The following MCF2L2 variants were observed in gnomAD, a reference collection of about 807,000 sequenced individuals.
MCF2L2 encodes the protein probable guanine nucleotide exchange factor MCF2L2.
In MCF2L2, 102 loss-of-function variants were observed where a neutral mutation model predicts 150.2. The observed-to-expected ratio is 0.68, with a 90% CI of 0.58 to 0.80. The LOEUF (loss-of-function observed/expected upper bound fraction) is 0.80, where lower values mean the gene tolerates loss of function less well. Ranked by LOEUF, MCF2L2 falls within the 30% of genes least tolerant of loss-of-function variation. The pLI is 0.00. For missense variants in MCF2L2, 1,256 were observed against 1,372.8 expected (o/e 0.91, Z 1.34); for synonymous variants, 465 against 491.3 (o/e 0.95, Z 0.71).
chr3:183,179,411 A>G lies in MCF2L2; in HGVS notation c.3314T>C (p.Leu1105Pro), dbSNP rs770126804. ...GATAGFQARA[L>P]RPRTSAQES ...CTCCTGGGCGGAGGTCCTCGGGCGC[A>G]GCGCCCTCGCCTGGAAACCAGCCGT... The change falls in exon 30 of 30, where the codon CTG becomes CCG. Residue 1105 changes from leucine to proline, a missense_variant. By Grantham distance (98) the Leu-to-Pro change is moderately conservative. Coordinates refer to ENST00000328913, the MANE Select transcript of MCF2L2 (RefSeq NM_015078.4). The surrounding 1 kb of genome is among the most constrained non-coding windows in gnomAD (Gnocchi z 4.2). 1.3e-5 allele frequency: 21 copies of G among 1,562,470 alleles called. No homozygotes were observed. The South Asian group carries it at 2.4e-4, about 18-fold the overall frequency.
At chr3:183,184,200 T>C (rs1002173268) in intron 27 of MCF2L2, among the ~76,000 whole-genome samples, 2 of 152,158 alleles carry the variant, frequency 1.3e-5, no homozygotes, top group Non-Finnish European at 2.9e-5. Flanking sequence ...GTATTTTTAG[T>C]AGAGACAGGG....
At chr3:183,325,277 A>C (rs1360715022) in intron 5 of MCF2L2, among the ~76,000 whole-genome samples, 1 of 151,822 alleles carries the variant, frequency 6.6e-6, no homozygotes, top group East Asian at 1.9e-4. Context: ...TAATAATAAA[A>C]GAAAAAAAAG....
chr3:183,233,949 G>A (rs1723684731), intron 15 of MCF2L2, among the ~76,000 whole-genome samples: 1 of 152,004 alleles, frequency 6.6e-6, no homozygotes, highest in Admixed American at 6.6e-5. Flanking sequence ...TATAAGACAA[G>A]ACTGATAAAC....
At chr3:183,402,370 C>A (rs75732262) in intron 1 of MCF2L2, among the ~76,000 whole-genome samples, 6 of 147,070 alleles carry the variant, frequency 4.1e-5, no homozygotes, top group African/African-American at 1.3e-4. Flanking sequence ...AGGAGAATGG[C>A]GTGACCTCGG....
chr3:183,366,965 G>A (rs377569384), intron 3 of MCF2L2, among the ~76,000 whole-genome samples: 3 of 152,168 alleles, frequency 2.0e-5, no homozygotes, highest in African/African-American at 7.2e-5. Context: ...AATTAGAAAT[G>A]CCAGGTGAAA....
At position 183,192,007 on chromosome 3, in the gene MCF2L2, AT is replaced by A. The variant is rs768700058; in HGVS notation, c.3016+991del. Among the ~76,000 whole-genome samples, 259 of 137,012 alleles carry A rather than the reference AT, an allele frequency of 1.9e-3. 1 individual carries two copies. Among genetic ancestry groups the A allele is most frequent in the South Asian group, 3.0e-3 (13 of 4,294 alleles). 89.9% of individuals were successfully genotyped at this position (137,012 alleles called of 152,430 possible). A position where few individuals can be genotyped will look rare whatever the true frequency, so the allele number is the denominator to read the frequency against. The stretch of plus-strand genomic sequence containing the variant: ...AGGCGCCCACCACCAAGCGCAGCTA[AT>A]TTTTTTTTTTTTTTGTATTTTTAGT... On this transcript the variant is annotated intron_variant, in intron 27 of 29. Transcript: ENST00000328913.
intron 1 of MCF2L2, among the ~76,000 whole-genome samples, chr3:183,422,675 G>A (rs1266696584): frequency 6.6e-6 from 1 of 152,200 alleles, no homozygotes; most frequent in East Asian, 1.9e-4. Flanking sequence ...AAGCTGAGGA[G>A]AGAGGAGCTG....
At chr3:183,370,468 A>G (rs144946431) in intron 3 of MCF2L2, among the ~76,000 whole-genome samples, 6 of 152,404 alleles carry the variant, frequency 3.9e-5, no homozygotes, top group African/African-American at 1.4e-4. Flanking sequence ...GTTTACAATC[A>G]TTAGCACTCA....
chr3:183,221,972 G>A (rs554846757), intron 20 of MCF2L2, among the ~76,000 whole-genome samples: 1 of 152,196 alleles, frequency 6.6e-6, no homozygotes, highest in Non-Finnish European at 1.5e-5. Context: ...AAATGGCAGA[G>A]TACACCGAGG....
rs1560035020 is a variant in MCF2L2 at position 183,351,227 on chromosome 3, TATATATA to T, written c.276-9604_276-9598del. Among the ~76,000 whole-genome samples, 282 of 95,314 alleles carry T rather than the reference TATATATA, an allele frequency of 3.0e-3. 4 individuals carry two copies. Among genetic ancestry groups the T allele is most frequent in the South Asian group, 9.7e-3 (26 of 2,678 alleles). The allele number at this position is 95,314 out of a possible 152,430, so 62.5% of individuals were successfully genotyped here. Reference sequence around the variant, plus strand: ...ATATATATATATATATATATATATATATATATATATTTATTTATTTATTTATCAGAAC... The same window carrying T: ...ATATATATATATATATATATATATATTATTTATTTATTTATTTATCAGAAC... On this transcript the variant is annotated intron_variant, in intron 3 of 29. Transcript: ENST00000328913.
chr3:183,294,613 G>A (rs975381484), intron 13 of MCF2L2, among the ~76,000 whole-genome samples: 132 of 129,938 alleles, frequency 1.0e-3, no homozygotes, highest in African/African-American at 3.9e-3. Flanking sequence ...GTGTGTGTGT[G>A]TGTATATATA....
chr3:183,361,217 A>T (rs1187969278), intron 3 of MCF2L2, among the ~76,000 whole-genome samples: 1 of 152,126 alleles, frequency 6.6e-6, no homozygotes, highest in Admixed American at 6.5e-5. Flanking sequence ...TAACCTTTTA[A>T]TCAAAACATG....
chr3:183,330,528 G>A (rs540626283), intron 5 of MCF2L2, among the ~76,000 whole-genome samples: 1 of 152,150 alleles, frequency 6.6e-6, no homozygotes, highest in South Asian at 2.1e-4. Context: ...CAAAAGGGCA[G>A]AGTGAGGAAG....
chr3:183,332,580 T>C (rs916294492), intron 5 of MCF2L2, among the ~76,000 whole-genome samples: 3 of 152,306 alleles, frequency 2.0e-5, no homozygotes, highest in Non-Finnish European at 2.9e-5. Context: ...GTGTTTTATA[T>C]GCAATCAGGG....
intron 20 of MCF2L2, among the ~76,000 whole-genome samples, chr3:183,222,369 G>A (rs1723179976): frequency 6.6e-6 from 1 of 152,152 alleles, no homozygotes; most frequent in African/African-American, 2.4e-5. Context: ...GGCCAACATG[G>A]TGAAACCCCG....
chr3:183,351,294 C>T (rs968397423), intron 3 of MCF2L2, among the ~76,000 whole-genome samples: 4 of 139,220 alleles, frequency 2.9e-5, no homozygotes, highest in Non-Finnish European at 4.6e-5. Context: ...TCTCAATCCT[C>T]CCATCTCACC....
At chr3:183,380,546 C>A (rs544446900) in intron 2 of MCF2L2, among the ~76,000 whole-genome samples, 65 of 152,224 alleles carry the variant, frequency 4.3e-4, no homozygotes, top group Non-Finnish European at 8.1e-4. Flanking sequence ...GGATTACAGG[C>A]GTGCACCACC....
chr3:183,257,307 ACT>A (rs963146574), intron 15 of MCF2L2, among the ~76,000 whole-genome samples: 13 of 152,034 alleles, frequency 8.6e-5, no homozygotes, highest in South Asian at 4.1e-4. Context: ...CGGCTTTTTT[ACT>A]CTCTTTCACC....
At chr3:183,276,642 C>T (rs1190416098) in intron 15 of MCF2L2, 1 of 432,940 alleles carries the variant, frequency 2.3e-6, no homozygotes, top group Non-Finnish European at 4.1e-6. Flanking sequence ...TTTTAAAACA[C>T]TGTATTCTTA....
Sources: allele counts gnomAD v4.1 joint callset (sites outside exome capture counted in the v4.1 genomes callset), GRCh38; gene constraint gnomAD v4.1.1; non-coding constraint Gnocchi (gnomAD v3.1); transcripts MANE v1.5; gene names NCBI Gene and HGNC (gene_info 2026-07-23, HGNC 2026-07-21).